The following SALL1 variants were observed in gnomAD, a reference collection of about 807,000 sequenced individuals.
SALL1 encodes sal-like protein 1.
A neutral mutation model predicts 73.1 loss-of-function variants in SALL1; 10 were observed. The observed-to-expected ratio is 0.14, with a 90% CI of 0.08 to 0.23. The LOEUF is 0.23. Ranked by LOEUF, SALL1 falls within the 10% of genes least tolerant of loss-of-function variation. SALL1 has a pLI of 1.00. For missense variants in SALL1, 1,520 were observed against 1,697.3 expected (o/e 0.90, Z 1.84); for synonymous variants, 688 against 689.8 (o/e 1.00, Z 0.04).
At chr16:51,142,232 G>T in intron 1 of SALL1, 87 bp from the exon 2 acceptor site, 1 of 1,060,258 alleles carries the variant, frequency 9.4e-7, no homozygotes, top group Non-Finnish European at 1.4e-6. Context: ...CTAATCAATG[G>T]TTTTCCACCT....
Position 51,140,152 on chromosome 16 carries a change from C to G in SALL1, c.2070G>C (p.Lys690Asn). 1 of 1,614,142 alleles carries G rather than the reference C, an allele frequency of 6.2e-7. No individual in the cohort carries two copies. The highest frequency in any genetic ancestry group is 1.3e-5 in the African/African-American group (1 of 75,044). The change falls in exon 2 of 3, where the codon AAG (lysine) becomes AAC (asparagine). Residue 690 changes from lysine (K) to asparagine (N), a missense_variant. By Grantham distance (94) the Lys-to-Asn change is moderately conservative. Coordinates refer to ENST00000251020, the MANE Select transcript of SALL1 (RefSeq NM_002968.3). This position sits in a 1 kb window ranked among gnomAD's most constrained non-coding sequence, Gnocchi z 5.7. ...LDSAQASETS[K>N]LQQLVENIDK... Reference sequence around the variant, plus strand: ...CAATGTTTTCTACCAGTTGCTGAAGCTTGGACGTCTCTGATGCCTGAGCTG... The same window carrying G: ...CAATGTTTTCTACCAGTTGCTGAAGGTTGGACGTCTCTGATGCCTGAGCTG...
At chr16:51,151,744 GC>G (rs111822648), upstream of SALL1, among the ~76,000 whole-genome samples, 177 of 146,736 alleles carry the variant, frequency 1.2e-3, 1 homozygote, top group Non-Finnish European at 1.1e-3. Context: ...TCCCTCCTTC[GC>G]CCCCCCCCAC....
chr16:51,151,683 C>A (rs902671731), upstream of SALL1, among the ~76,000 whole-genome samples: 1 of 151,362 alleles, frequency 6.6e-6, no homozygotes, highest in Non-Finnish European at 1.5e-5. Flanking sequence ...ACTGCGGGCC[C>A]GGCGCCCCGG....
rs754902005 is a variant in SALL1, at chr16:51,141,738, C to T, written c.484G>A (p.Gly162Ser). ...GAGGTACCTGTGGAGGAGCTGCCGC[C>T]GCCGCCGCTGCTGCTGCTGCTGCTG... is the stretch of plus-strand genomic sequence containing the variant. ...SSSSSSSSGGGGSSSTGTSAI... is the reference protein window; with the variant it reads ...SSSSSSSSGGSGSSSTGTSAI... The change falls in exon 2 of 3, where the codon GGC (glycine) becomes AGC (serine). Residue 162 changes from glycine (G) to serine (S), a missense_variant. This residue lies in a region of SALL1 where 540 missense variants were observed against 567.5 expected (regional missense o/e 0.95). Transcript: ENST00000251020. The surrounding 1 kb of genome is among the most constrained non-coding windows in gnomAD (Gnocchi z 5.4). 3.5e-5 allele frequency: 56 copies of T among 1,611,264 alleles called. 1 individual carries two copies. The highest frequency in any genetic ancestry group is 1.4e-4 in the African/African-American group (10 of 74,034).
upstream of SALL1, chr16:51,152,169 A>G (rs1962633524): frequency 6.6e-6 from 1 of 152,074 alleles, no homozygotes; most frequent in African/African-American, 2.4e-5. Context: ...AAGAGGATCC[A>G]GGAAAGGTTT....
intron 1 of SALL1, chr16:51,143,120 C>T (rs1962468873): frequency 6.2e-6 from 1 of 160,014 alleles, no homozygotes; most frequent in Non-Finnish European, 1.4e-5. Context: ...TTTGAAAATG[C>T]TTTGCAGCTC....
At position 51,136,896 on chromosome 16, in the gene SALL1, A is replaced by G. The variant is rs1403056406; in HGVS notation, c.*216T>C. ...ACAGAAGACCAAAGTTAACGCTTGC[A>G]TTCTGTTTGCAAAGCAAGGTTATAT... On this transcript the variant is annotated 3_prime_UTR_variant, in exon 3 of 3. Coordinates refer to ENST00000251020, the MANE Select transcript of SALL1 (RefSeq NM_002968.3). The G allele has an allele frequency of 1.6e-5, 9 of 577,610 alleles. No individual in the cohort carries two copies. The highest frequency in any genetic ancestry group is 2.8e-5 in the Non-Finnish European group (9 of 324,616). 35.8% of individuals were successfully genotyped at this position (577,610 alleles called of 1,614,324 possible).
chr16:51,149,045 G>A (rs1962557811), intron 1 of SALL1, among the ~76,000 whole-genome samples: 1 of 151,836 alleles, frequency 6.6e-6, no homozygotes, highest in Non-Finnish European at 1.5e-5. Flanking sequence ...GGAGAGAAAA[G>A]AGAAAGAAAG....
At chr16:51,147,822 C>T (rs1396873943) in intron 1 of SALL1, among the ~76,000 whole-genome samples, 3 of 143,126 alleles carry the variant, frequency 2.1e-5, no homozygotes, top group African/African-American at 7.4e-5. Flanking sequence ...CACACATGCA[C>T]TTACGCACAC....
At chr16:51,149,904 C>T (rs1962571537) in intron 1 of SALL1, 1 of 152,324 alleles carries the variant, frequency 6.6e-6, no homozygotes, top group Admixed American at 6.5e-5. Flanking sequence ...CCCAAAATGC[C>T]GCCTAGGGCG....
chr16:51,137,040 G>T lies in SALL1; in HGVS notation c.*72C>A. 4 of 1,421,182 alleles carry T rather than the reference G, an allele frequency of 2.8e-6. No homozygotes were observed. Among genetic ancestry groups the T allele is most frequent in the East Asian group, 2.3e-5 (1 of 43,010 alleles). The allele number at this position is 1,421,182 out of a possible 1,614,324, so 88.0% of individuals were successfully genotyped here. Reference sequence around the variant, plus strand: ...AGGAAGGGGCGGGGCGGGGTGGGGGGCAAGGAGTAGGAGGCCACCATAGGT... The same window carrying T: ...AGGAAGGGGCGGGGCGGGGTGGGGGTCAAGGAGTAGGAGGCCACCATAGGT... On this transcript the variant is annotated 3_prime_UTR_variant, in exon 3 of 3. Transcript: ENST00000251020.
rs1567315654 is a variant in SALL1, at chr16:51,140,404, A to G, written c.1818T>C (p.Gly606=). The part of the protein sequence containing the change: ...GGPESATRNL[G]GLPEEAEGST... The stretch of plus-strand genomic sequence containing the variant: ...ACCCTTCGGCTTCCTCTGGGAGCCC[A>G]CCTAGGTTTCTTGTGGCTGACTCAG... The change falls in exon 2 of 3, where the codon GGT becomes GGC. Residue 606 remains glycine, a synonymous_variant. Transcript: ENST00000251020. This position sits in a 1 kb window ranked among gnomAD's most constrained non-coding sequence, Gnocchi z 5.7. The G allele has an allele frequency of 6.2e-7, 1 of 1,613,994 alleles. No homozygotes were observed. Among genetic ancestry groups the G allele is most frequent in the East Asian group, 2.2e-5 (1 of 44,864 alleles).
At chr16:51,147,808 C>CACACACACACACACAT (rs1373874712) in intron 1 of SALL1, among the ~76,000 whole-genome samples, 1 of 151,510 alleles carries the variant, frequency 6.6e-6, no homozygotes, top group Non-Finnish European at 1.5e-5. Flanking sequence ...CACACACACA[C>CACACACACACACACAT]ATGCACACAT....
rs373919673 is a variant in SALL1, at chr16:51,138,220, C to T, written c.3534+468G>A. ...ATAATACCCATTAGCAGAGCAGTGACGTTATTGTTTTTAGACAAACAAACC... is the reference window on the plus strand; with the variant it reads ...ATAATACCCATTAGCAGAGCAGTGATGTTATTGTTTTTAGACAAACAAACC... On this transcript the variant is annotated intron_variant, in intron 2 of 2. Coordinates refer to ENST00000251020, the MANE Select transcript of SALL1 (RefSeq NM_002968.3). 3.3e-5 allele frequency among the ~76,000 whole-genome samples: 5 copies of T among 152,218 alleles called. No homozygotes were observed. The East Asian group carries it at 7.7e-4, about 24-fold the overall frequency.
intron 1 of SALL1, among the ~76,000 whole-genome samples, chr16:51,145,979 C>CTTTTTTTTTT (rs372735955): frequency 7.8e-6 from 1 of 128,892 alleles, no homozygotes; most frequent in African/African-American, 2.8e-5. Flanking sequence ...ATTGATTGGT[C>CTTTTTTTTTT]TTTTTTTTTT....
chr16:51,148,169 G>A (rs893243378), intron 1 of SALL1, among the ~76,000 whole-genome samples: 7 of 152,156 alleles, frequency 4.6e-5, no homozygotes, highest in Admixed American at 6.5e-5. Context: ...ATTTGCTTCA[G>A]ATGAAGCTGT....
chr16:51,148,510 T>C (rs1962549728), intron 1 of SALL1, among the ~76,000 whole-genome samples: 1 of 152,168 alleles, frequency 6.6e-6, no homozygotes, highest in African/African-American at 2.4e-5. Flanking sequence ...TCTAAAAATA[T>C]AACAATGTTT....
Position 51,138,949 on chromosome 16 carries a change from G to A in SALL1, c.3273C>T (p.Gly1091=). 1 of 1,614,186 alleles carries A rather than the reference G, an allele frequency of 6.2e-7. No individual in the cohort carries two copies. The highest frequency in any genetic ancestry group is 8.5e-7 in the Non-Finnish European group (1 of 1,180,032). Reference sequence around the variant, plus strand: ...TGTCCTGAGGAGAAACATGCACGAAGCCGTTGACCTCTGTCTTGATGAGAG... The same window carrying A: ...TGTCCTGAGGAGAAACATGCACGAAACCGTTGACCTCTGTCTTGATGAGAG... The part of the protein sequence containing the change: ...LSSLIKTEVN[G]FVHVSPQDSK... The change falls in exon 2 of 3, where the codon GGC becomes GGT. Residue 1091 remains glycine, a synonymous_variant. Coordinates refer to ENST00000251020, the MANE Select transcript of SALL1 (RefSeq NM_002968.3).
Position 51,138,832 on chromosome 16 carries a change from A to T in SALL1, c.3390T>A (p.Thr1130=). The stretch of plus-strand genomic sequence containing the variant: ...ATGTGTTGCAGTAGTGCTGCTTGGG[A>T]GTTCTCCTGGGCAGAGCAGGGAGCA... The part of the protein sequence containing the change: ...PVLLPALPRR[T]PKQHYCNTCG... The change falls in exon 2 of 3, where the codon ACT becomes ACA. Residue 1130 remains threonine, a synonymous_variant. Transcript: ENST00000251020. The T allele has an allele frequency of 6.2e-7, 1 of 1,614,170 alleles. No homozygotes were observed. Among genetic ancestry groups the T allele is most frequent in the Non-Finnish European group, 8.5e-7 (1 of 1,180,042 alleles).
Sources: gnomAD v4.1 joint callset for allele counts (sites outside exome capture counted in the v4.1 genomes callset) on GRCh38, gnomAD v4.1.1 for gene constraint, gnomAD v4.1.1 regional missense constraint, Gnocchi (gnomAD v3.1) non-coding constraint, MANE v1.5 for transcripts, NCBI Gene and HGNC (gene_info 2026-07-23, HGNC 2026-07-21) for gene names.